CDH3: variants seen among roughly 807,000 people sequenced by gnomAD.
The protein encoded by CDH3 is cadherin 3.
In CDH3, 54 loss-of-function variants were observed where a neutral mutation model predicts 82.0. That is an observed-to-expected ratio of 0.66 (90% CI 0.53 to 0.83). CDH3 has a LOEUF of 0.83. Among genes scored for constraint, CDH3 ranks in the 40% least tolerant of loss-of-function variants. CDH3 has a pLI of 0.00. For synonymous variants in CDH3, 446 were observed against 437.9 expected (o/e 1.02, Z -0.23); for missense variants, 1,054 against 1,084.6 (o/e 0.97, Z 0.40).
intron 2 of CDH3, among the ~76,000 whole-genome samples, chr16:68,654,735 T>C (rs1175278136): frequency 7.0e-6 from 1 of 143,546 alleles, no homozygotes; most frequent in Admixed American, 7.1e-5. Flanking sequence ...TATATATATA[T>C]TTATTTTTAA....
At chr16:68,724,068 C>CA (rs55897906) in intron 2 of CDH3, among the ~76,000 whole-genome samples, 70 of 112,668 alleles carry the variant, frequency 6.2e-4, no homozygotes, top group South Asian at 1.2e-3. Flanking sequence ...GACTCCGTCT[C>CA]AAAAAAAAAA....
At chr16:68,726,075 G>A (rs901409826) in intron 2 of CDH3, among the ~76,000 whole-genome samples, 36 of 152,012 alleles carry the variant, frequency 2.4e-4, no homozygotes, top group Non-Finnish European at 4.6e-4. Flanking sequence ...AAAAAAGAAG[G>A]GCAGAATTCA....
At chr16:68,720,502 A>G (rs1962148555) in intron 1 of CDH3, among the ~76,000 whole-genome samples, 1 of 152,220 alleles carries the variant, frequency 6.6e-6, no homozygotes, top group Admixed American at 6.5e-5. Flanking sequence ...AAACATCTCT[A>G]ACAAGGCACA....
intron 2 of CDH3, among the ~76,000 whole-genome samples, chr16:68,657,253 C>T (rs1960430943): frequency 6.6e-6 from 1 of 152,170 alleles, no homozygotes; most frequent in South Asian, 2.1e-4. Context: ...ATGGCTGGCA[C>T]CTGTAATCCC....
At chr16:68,715,098 C>T (rs548545022) in intron 1 of CDH3, among the ~76,000 whole-genome samples, 1 of 152,092 alleles carries the variant, frequency 6.6e-6, no homozygotes, top group Non-Finnish European at 1.5e-5. Flanking sequence ...AAGTTCTAAA[C>T]TTGCCCAATG....
Position 68,647,375 on chromosome 16 carries a change from C to G in CDH3, c.160+1625C>G, listed in dbSNP as rs956764932. 2.6e-5 allele frequency among the ~76,000 whole-genome samples: 4 copies of G among 151,870 alleles called. No homozygotes were observed. The East Asian group carries it at 7.7e-4, about 29-fold the overall frequency. On this transcript the variant is annotated intron_variant, in intron 2 of 15. Transcript: ENST00000264012. ...GCAAGAAATATCAGATTAGCTGTCA[C>G]TTCACTAGGCTTGAGGTTTTGGGGG...
downstream of CDH3, among the ~76,000 whole-genome samples, chr16:68,700,976 G>A (rs1961885654): frequency 6.6e-6 from 1 of 152,120 alleles, no homozygotes; most frequent in Non-Finnish European, 1.5e-5. Flanking sequence ...CCTCTGCCAG[G>A]GCTGTCTTTG....
chr16:68,687,653 AC>A lies in CDH3; in HGVS notation c.1714del (p.Leu572CysfsTer35). 1 of 1,614,070 alleles carries A rather than the reference AC, an allele frequency of 6.2e-7. No individual in the cohort carries two copies. The highest frequency in any genetic ancestry group is 8.5e-7 in the Non-Finnish European group (1 of 1,179,984). ...CAGGTGCTGAACATCACGGACAAGG[AC>A]CTGTCTCCCCACACCTCCCCTTTCC... ...VRQVLNITDK[D>X]LSPHTSPFQA... On this transcript the variant is annotated frameshift_variant, in exon 12 of 16. Transcript: ENST00000264012. LOFTEE classifies it high-confidence loss of function.
In CDH3 at chr16:68,667,641, G is replaced by A. The variant is rs117386378; in HGVS notation, c.161-8744G>A. 6.2e-3 allele frequency among the ~76,000 whole-genome samples: 947 copies of A among 152,286 alleles called. 19 individuals are homozygous for A. The highest frequency in any genetic ancestry group is 0.048 in the East Asian group (247 of 5,176). Reference sequence around the variant, plus strand: ...CAGGCCTGGAACATAAGAGGAATGAGTTCTTAGCCCAGCATCCATCAATTC... The same window carrying A: ...CAGGCCTGGAACATAAGAGGAATGAATTCTTAGCCCAGCATCCATCAATTC... On this transcript the variant is annotated intron_variant, in intron 2 of 15. Coordinates refer to ENST00000264012, the MANE Select transcript of CDH3 (RefSeq NM_001793.6).
At chr16:68,703,705 G>A (rs1474172432), downstream of CDH3, among the ~76,000 whole-genome samples, 1 of 152,200 alleles carries the variant, frequency 6.6e-6, no homozygotes, top group Non-Finnish European at 1.5e-5. Flanking sequence ...CCAGCACTTT[G>A]GGAGGCCGAG....
intron 2 of CDH3, chr16:68,651,960 G>C: frequency 3.1e-6 from 1 of 327,678 alleles, no homozygotes; most frequent in Non-Finnish European, 6.2e-6. Context: ...GAATACGGCT[G>C]GCAGGTGCGG....
At chr16:68,724,125 C>T (rs1417876801) in intron 2 of CDH3, among the ~76,000 whole-genome samples, 2 of 150,020 alleles carry the variant, frequency 1.3e-5, no homozygotes, top group East Asian at 3.9e-4. Flanking sequence ...ATCCCAGCTA[C>T]TTGGGAGGCT....
chr16:68,651,466 A>G, intron 2 of CDH3: 1 of 532,778 alleles, frequency 1.9e-6, no homozygotes. Context: ...CCGATGACGC[A>G]CTGGCCGGCC....
chr16:68,686,960 T>A (rs901456632), intron 11 of CDH3, among the ~76,000 whole-genome samples: 3 of 152,118 alleles, frequency 2.0e-5, no homozygotes, highest in African/African-American at 7.2e-5. Context: ...AGAGTAAGAC[T>A]CTCAAATAAG....
chr16:68,661,403 A>T (rs1311854599), intron 2 of CDH3, among the ~76,000 whole-genome samples: 1 of 152,050 alleles, frequency 6.6e-6, no homozygotes, highest in Non-Finnish European at 1.5e-5. Context: ...TCATATGGTT[A>T]TGGTGAAGAT....
At chr16:68,678,715 G>T in intron 5 of CDH3, 47 bp from the exon 6 acceptor site, 1 of 1,614,168 alleles carries the variant, frequency 6.2e-7, no homozygotes, top group Middle Eastern at 1.6e-4. Flanking sequence ...CCTAGGCCTG[G>T]TGAGGTGGGT....
chr16:68,725,796 G>C (rs1962213336), intron 2 of CDH3, among the ~76,000 whole-genome samples: 1 of 151,964 alleles, frequency 6.6e-6, no homozygotes. Context: ...GCTCACACCT[G>C]TAATCCCAGC....
rs1201757475 is a variant in CDH3, at chr16:68,707,702, A to C, written c.99+11779A>C. On this transcript the variant is annotated intron_variant, in intron 1 of 2. Transcript: ENST00000569080. The surrounding 1 kb of genome is among the most constrained non-coding windows in gnomAD (Gnocchi z 4.5). ...ACTCAGTGTTTAGCGCTGAGCCTGC[A>C]GTGCAGTTGGGGATCGCCAGGTGGT... is the stretch of plus-strand genomic sequence containing the variant. Among the ~76,000 whole-genome samples the C allele has an allele frequency of 6.6e-6, 1 of 152,130 alleles. No homozygotes were observed. Among genetic ancestry groups the C allele is most frequent in the Non-Finnish European group, 1.5e-5 (1 of 68,002 alleles).
chr16:68,722,073 G>A (rs1962171263), intron 1 of CDH3, among the ~76,000 whole-genome samples: 1 of 152,120 alleles, frequency 6.6e-6, no homozygotes, highest in East Asian at 1.9e-4. Context: ...TGGGTGATAA[G>A]CAAGACTACC....
Sources: allele counts gnomAD v4.1 joint callset (sites outside exome capture counted in the v4.1 genomes callset), GRCh38; gene constraint gnomAD v4.1.1; non-coding constraint Gnocchi (gnomAD v3.1); transcripts MANE v1.5; gene names NCBI Gene and HGNC (gene_info 2026-07-23, HGNC 2026-07-21).